Variants in ME1 observed in about 807,000 individuals in gnomAD.
ME1 encodes malic enzyme 1.
In ME1, 74 loss-of-function variants were observed where a neutral mutation model predicts 66.4. The ratio of observed to expected loss-of-function variants is 1.11; its 90% CI spans 0.92 to 1.35. The LOEUF (loss-of-function observed/expected upper bound fraction) is 1.35, where lower values mean the gene tolerates loss of function less well. Ranked by LOEUF, ME1 falls within the 40% of genes most tolerant of loss-of-function variation. The probability of loss-of-function intolerance (pLI) is 0.00; values close to 1 mark genes in which losing one functional copy is unlikely to be tolerated. For synonymous variants in ME1, 251 were observed against 235.6 expected (o/e 1.07, Z -0.60); for missense variants, 750 against 694.1 (o/e 1.08, Z -0.90).
At chr6:83,305,128 C>T (rs1381283208) in intron 6 of ME1, among the ~76,000 whole-genome samples, 1 of 151,956 alleles carries the variant, frequency 6.6e-6, no homozygotes, top group African/African-American at 2.4e-5. Context: ...TCTGCAAAAC[C>T]ACTCACATTG....
chr6:83,314,261 T>A (rs527993419), intron 6 of ME1, among the ~76,000 whole-genome samples: 1 of 152,156 alleles, frequency 6.6e-6, no homozygotes, highest in Non-Finnish European at 1.5e-5. Flanking sequence ...AGGTTGAGCA[T>A]CTCTAATCCA....
At chr6:83,423,945 C>CA (rs1202714737) in intron 1 of ME1, among the ~76,000 whole-genome samples, 1 of 151,592 alleles carries the variant, frequency 6.6e-6, no homozygotes, top group Non-Finnish European at 1.5e-5. Flanking sequence ...GCCATCTCTA[C>CA]AAAAAAATAC....
intron 5 of ME1, among the ~76,000 whole-genome samples, chr6:83,322,352 T>C (rs200221944): frequency 6.6e-6 from 1 of 152,146 alleles, no homozygotes; most frequent in Non-Finnish European, 1.5e-5. Context: ...AATAACAAAC[T>C]TCTCTGAGCT....
At chr6:83,396,560 A>G (rs1442964194) in intron 3 of ME1, among the ~76,000 whole-genome samples, 2 of 152,240 alleles carry the variant, frequency 1.3e-5, no homozygotes, top group African/African-American at 2.4e-5. Flanking sequence ...AGAGATCTAC[A>G]GATTCAGTAC....
chr6:83,381,915 T>A (rs1769407826), intron 3 of ME1, among the ~76,000 whole-genome samples: 1 of 152,100 alleles, frequency 6.6e-6, no homozygotes, highest in Non-Finnish European at 1.5e-5. Flanking sequence ...TGAAACTCTA[T>A]CATGACCCAC....
intron 4 of ME1, among the ~76,000 whole-genome samples, chr6:83,347,699 T>G (rs1238035174): frequency 6.6e-6 from 1 of 152,140 alleles, no homozygotes; most frequent in East Asian, 1.9e-4. Context: ...TATAAAGAAC[T>G]TACCACAGTA....
chr6:83,388,550 C>A (rs907473231), intron 3 of ME1, among the ~76,000 whole-genome samples: 1 of 152,128 alleles, frequency 6.6e-6, no homozygotes, highest in Admixed American at 6.5e-5. Context: ...GCTATGTATA[C>A]TACTTTATTA....
At chr6:83,262,209 AAG>A (rs1766912923) in intron 6 of ME1, among the ~76,000 whole-genome samples, 1 of 152,074 alleles carries the variant, frequency 6.6e-6, no homozygotes, top group Non-Finnish European at 1.5e-5. Flanking sequence ...GAGTATGTGA[AAG>A]AGGGAACATC....
chr6:83,327,205 C>T (rs777983535), intron 5 of ME1, among the ~76,000 whole-genome samples: 3 of 152,140 alleles, frequency 2.0e-5, no homozygotes, highest in Admixed American at 1.3e-4. Context: ...GTTAACTGCA[C>T]AAATTGTACA....
At chr6:83,399,010 T>C (rs1340474127) in intron 2 of ME1, among the ~76,000 whole-genome samples, 5 of 152,114 alleles carry the variant, frequency 3.3e-5, no homozygotes, top group African/African-American at 1.2e-4. Flanking sequence ...TTTATTTATT[T>C]TGAGACAGAG....
At chr6:83,227,530 CAAG>C in intron 10 of ME1, 53 bp from the exon 11 acceptor site, 2 of 1,418,882 alleles carry the variant, frequency 1.4e-6, no homozygotes, top group Non-Finnish European at 1.9e-6. Context: ...TTAATTCACA[CAAG>C]AAGACCATGC....
intron 3 of ME1, among the ~76,000 whole-genome samples, chr6:83,386,752 G>A (rs2128549261): frequency 6.6e-6 from 1 of 152,050 alleles, no homozygotes; most frequent in Admixed American, 6.6e-5. Context: ...ATGGTATTAG[G>A]AGATGGGGCC....
chr6:83,263,922 G>A (rs1012369841), intron 6 of ME1, among the ~76,000 whole-genome samples: 5 of 152,090 alleles, frequency 3.3e-5, no homozygotes. Flanking sequence ...CATAAATGAA[G>A]GTGGTTACAT....
intron 3 of ME1, among the ~76,000 whole-genome samples, chr6:83,394,177 T>A (rs983140): frequency 0.19 from 29,609 of 151,854 alleles, 3,277 homozygotes; most frequent in Middle Eastern, 0.38. Flanking sequence ...TGAAAAAAAA[T>A]TTAGTCATTG....
chr6:83,211,822 TAATC>T lies in ME1; in HGVS notation c.*98_*101del. ...TTTTTAGACTGTTAAAGTAAAATCTTAATCTAAGTGTCTTATGAATCATTATAAA... is the reference window on the plus strand; with the variant it reads ...TTTTTAGACTGTTAAAGTAAAATCTTTAAGTGTCTTATGAATCATTATAAA... On this transcript the variant is annotated 3_prime_UTR_variant, in exon 14 of 14. Transcript: ENST00000369705. 2.7e-6 allele frequency: 2 copies of T among 739,136 alleles called. No homozygotes were observed. The highest frequency in any genetic ancestry group is 3.9e-6 in the Non-Finnish European group (2 of 514,154). 45.8% of individuals were successfully genotyped at this position (739,136 alleles called of 1,614,324 possible).
intron 1 of ME1, among the ~76,000 whole-genome samples, chr6:83,420,043 A>G (rs1386128632): frequency 6.6e-6 from 1 of 152,122 alleles, no homozygotes; most frequent in East Asian, 1.9e-4. Context: ...TTCTTCCAGC[A>G]GCCATCTTGG....
intron 7 of ME1, among the ~76,000 whole-genome samples, chr6:83,252,189 G>A (rs143570369): frequency 1.3e-5 from 2 of 152,134 alleles, no homozygotes; most frequent in African/African-American, 2.4e-5. Flanking sequence ...GGTTTGGTGG[G>A]GAAATAAGAG....
intron 5 of ME1, among the ~76,000 whole-genome samples, chr6:83,327,602 G>C (rs1768324044): frequency 1.3e-5 from 2 of 152,116 alleles, no homozygotes; most frequent in Admixed American, 1.3e-4. Flanking sequence ...TCAAAACCCT[G>C]TCTCCTGATA....
chr6:83,293,224 A>G, intron 6 of ME1, among the ~76,000 whole-genome samples: 1 of 152,178 alleles, frequency 6.6e-6, no homozygotes, highest in Non-Finnish European at 1.5e-5. Context: ...CATCTTCTGC[A>G]TCGATCTTGC....
Sources: gnomAD v4.1 joint callset for allele counts (sites outside exome capture counted in the v4.1 genomes callset) on GRCh38, gnomAD v4.1.1 for gene constraint, MANE v1.5 for transcripts, NCBI Gene and HGNC (gene_info 2026-07-23, HGNC 2026-07-21) for gene names.